Variants in PSMA1 observed in about 807,000 individuals in gnomAD.
The protein encoded by PSMA1 is proteasome subunit alpha type-1.
In PSMA1, 3 loss-of-function variants were observed where a neutral mutation model predicts 38.4. That is an observed-to-expected ratio of 0.08 (90% confidence interval 0.04 to 0.20). The LOEUF (loss-of-function observed/expected upper bound fraction) is 0.20, where lower values mean the gene tolerates loss of function less well. Ranked by LOEUF, PSMA1 falls within the 10% of genes least tolerant of loss-of-function variation. The probability of loss-of-function intolerance (pLI) is 1.00; values close to 1 mark genes in which losing one functional copy is unlikely to be tolerated. For missense variants in PSMA1, 227 were observed against 325.3 expected (o/e 0.70, Z 2.32); for synonymous variants, 101 against 107.1 (o/e 0.94, Z 0.35).
chr11:14,596,258 T>C (rs928766274), intron 2 of PSMA1, among the ~76,000 whole-genome samples: 2 of 152,244 alleles, frequency 1.3e-5, no homozygotes, highest in Non-Finnish European at 2.9e-5. Context: ...AACTTTAAAG[T>C]AATTTTTTCC....
intron 1 of PSMA1, among the ~76,000 whole-genome samples, chr11:14,629,904 C>T (rs1371536347): frequency 6.6e-6 from 1 of 152,092 alleles, no homozygotes; most frequent in African/African-American, 2.4e-5. Flanking sequence ...AGTTGGATTG[C>T]TAGGTATTTT....
intron 1 of PSMA1, among the ~76,000 whole-genome samples, chr11:14,631,208 CT>C (rs1853002534): frequency 1.3e-5 from 2 of 152,240 alleles, no homozygotes; most frequent in South Asian, 2.1e-4. Context: ...CTTCTGCTAG[CT>C]TTTGAATGAG....
intron 2 of PSMA1, among the ~76,000 whole-genome samples, chr11:14,569,564 C>T (rs964380140): frequency 9.2e-5 from 14 of 152,196 alleles, no homozygotes; most frequent in Admixed American, 5.9e-4. Context: ...AGATTATATC[C>T]CACGCCTGGC....
intron 2 of PSMA1, among the ~76,000 whole-genome samples, chr11:14,588,430 A>G (rs1356740902): frequency 6.6e-6 from 1 of 152,210 alleles, no homozygotes; most frequent in Non-Finnish European, 1.5e-5. Flanking sequence ...ACTTGATCCT[A>G]CAAGTAAAAA....
chr11:14,613,223 A>T (rs1565058438), intron 1 of PSMA1, among the ~76,000 whole-genome samples: 3 of 148,008 alleles, frequency 2.0e-5, no homozygotes, highest in Non-Finnish European at 3.0e-5. Context: ...TTAAAAATCA[A>T]TTTTTTTTTA....
chr11:14,517,414 T>C lies in PSMA1; in HGVS notation c.254+228A>G, dbSNP rs576389273. Among the ~76,000 whole-genome samples, 9 of 152,326 alleles carry C rather than the reference T, an allele frequency of 5.9e-5. No homozygotes were observed. The South Asian group carries it at 1.9e-3, about 32-fold the overall frequency. Reference sequence around the variant, plus strand: ...ATACATTGTATTAACAAACATCACATTACTCAGTGACTTCTGAAAAGTGCT... The same window carrying C: ...ATACATTGTATTAACAAACATCACACTACTCAGTGACTTCTGAAAAGTGCT... On this transcript the variant is annotated intron_variant, in intron 4 of 9. Transcript: ENST00000396394.
intron 2 of PSMA1, among the ~76,000 whole-genome samples, chr11:14,572,158 G>A (rs1484820221): frequency 2.6e-5 from 4 of 152,168 alleles, no homozygotes; most frequent in Non-Finnish European, 4.4e-5. Flanking sequence ...TCCACAGCAA[G>A]TGGACCTAAT....
intron 8 of PSMA1, 152 bp from the exon 9 acceptor site, chr11:14,507,918 A>C: frequency 1.7e-6 from 1 of 585,768 alleles, no homozygotes; most frequent in South Asian, 2.2e-5. Flanking sequence ...AAAAAGAAGG[A>C]AACTAGTGGA....
intron 2 of PSMA1, among the ~76,000 whole-genome samples, chr11:14,576,265 C>T (rs1852213721): frequency 6.6e-6 from 1 of 152,166 alleles, no homozygotes; most frequent in Non-Finnish European, 1.5e-5. Flanking sequence ...TTTTGCTGTG[C>T]AGAAGCTCTT....
At chr11:14,587,749 C>T (rs1441576804) in intron 2 of PSMA1, among the ~76,000 whole-genome samples, 1 of 152,120 alleles carries the variant, frequency 6.6e-6, no homozygotes, top group Non-Finnish European at 1.5e-5. Flanking sequence ...GGGGTTATAA[C>T]ACCTACTTCA....
At chr11:14,520,203 C>A in intron 1 of PSMA1, 94 bp downstream of exon 1, 1 of 1,579,594 alleles carries the variant, frequency 6.3e-7, no homozygotes, top group Non-Finnish European at 8.7e-7. Context: ...CTCGTGGCAC[C>A]GGGCGACGCT....
intron 2 of PSMA1, among the ~76,000 whole-genome samples, chr11:14,527,102 T>A (rs1851595029): frequency 6.6e-6 from 1 of 152,174 alleles, no homozygotes; most frequent in African/African-American, 2.4e-5. Context: ...GCCTCTTTAA[T>A]AAAAACTCTT....
intron 2 of PSMA1, among the ~76,000 whole-genome samples, chr11:14,600,844 G>GA (rs1206902832): frequency 2.0e-5 from 3 of 152,232 alleles, no homozygotes; most frequent in Non-Finnish European, 4.4e-5. Flanking sequence ...GGGAGCTGCA[G>GA]ACAGGAGCTG....
At chr11:14,537,951 C>T (rs987112711) in intron 2 of PSMA1, among the ~76,000 whole-genome samples, 8 of 152,010 alleles carry the variant, frequency 5.3e-5, no homozygotes, top group Non-Finnish European at 5.9e-5. Flanking sequence ...TCAAGTGATC[C>T]GCCTGCCTCG....
intron 2 of PSMA1, among the ~76,000 whole-genome samples, chr11:14,584,963 T>G (rs1208223547): frequency 2.0e-5 from 3 of 152,244 alleles, no homozygotes; most frequent in Admixed American, 6.5e-5. Flanking sequence ...AACAACCTTA[T>G]ACACTACAGT....
At chr11:14,520,645 C>A (rs936824828), upstream of PSMA1, 11 of 472,936 alleles carry the variant, frequency 2.3e-5, no homozygotes, top group African/African-American at 3.9e-5. Context: ...CTCCCGCTGG[C>A]GGGCTGCATC....
chr11:14,627,113 G>A lies in PSMA1; in HGVS notation c.-165-15962C>T, dbSNP rs569718189. 9.9e-5 allele frequency among the ~76,000 whole-genome samples: 15 copies of A among 152,164 alleles called. 1 individual carries two copies. In the East Asian group the frequency reaches 2.9e-3, roughly 29 times the overall value. On this transcript the variant is annotated intron_variant, in intron 1 of 10. Transcript: ENST00000418988. The stretch of plus-strand genomic sequence containing the variant: ...TAAGGACATAAGTCATATTGGATTA[G>A]TGCCCCACCATTAGGACTTCATTTA...
At chr11:14,624,034 A>C (rs1852882399) in intron 1 of PSMA1, among the ~76,000 whole-genome samples, 2 of 151,818 alleles carry the variant, frequency 1.3e-5, no homozygotes, top group African/African-American at 4.8e-5. Flanking sequence ...AATACCACAC[A>C]AAAAACATTT....
intron 1 of PSMA1, among the ~76,000 whole-genome samples, chr11:14,611,392 T>C (rs954695118): frequency 2.0e-5 from 3 of 152,154 alleles, no homozygotes; most frequent in African/African-American, 7.2e-5. Context: ...ATGAGGTTAG[T>C]GGTCAATAAA....
Sources: allele counts gnomAD v4.1 joint callset (sites outside exome capture counted in the v4.1 genomes callset), GRCh38; gene constraint gnomAD v4.1.1; transcripts MANE v1.5; gene names NCBI Gene and HGNC (gene_info 2026-07-23, HGNC 2026-07-21).